MRPS10: variants seen among roughly 807,000 people sequenced by gnomAD.
MRPS10 encodes mitochondrial ribosomal protein S10.
MRPS10 carries 23 observed loss-of-function variants against 27.5 expected under a neutral mutation model. The observed-to-expected ratio is 0.84, with a 90% CI of 0.60 to 1.18. The LOEUF (loss-of-function observed/expected upper bound fraction) is 1.18, where lower values mean the gene tolerates loss of function less well. Ranked by LOEUF, MRPS10 falls within the 50% of genes most tolerant of loss-of-function variation. The pLI is 0.00. For synonymous variants in MRPS10, 88 were observed against 84.2 expected (o/e 1.04, Z -0.25); for missense variants, 237 against 240.1 (o/e 0.99, Z 0.09).
At position 42,208,371 on chromosome 6, in the gene MRPS10, G is replaced by A. The variant is rs756763607; in HGVS notation, c.524C>T (p.Thr175Ile). Residue 175 changes from threonine (T) to isoleucine (I), a missense_variant and splice_region_variant, in exon 7 of 7, where the codon ACA (threonine) becomes ATA (isoleucine). Around this residue, in one of 3 missense-constraint regions of MRPS10, gnomAD observed 62 missense variants for 68.2 expected, o/e 0.91. Coordinates refer to ENST00000053468, the MANE Select transcript of MRPS10 (RefSeq NM_018141.4). Reference sequence around the variant, plus strand: ...GTGTTCTGGTAACTGTTCTAATTGTGTCTAAAAAAAGAAAGAAACAAAACT... The same window carrying A: ...GTGTTCTGGTAACTGTTCTAATTGTATCTAAAAAAAGAAAGAAACAAAACT... ...PEGVAMEVTK[T>I]QLEQLPEHIK... 1 of 1,590,040 alleles carries A rather than the reference G, an allele frequency of 6.3e-7. No individual in the cohort carries two copies. Among genetic ancestry groups the A allele is most frequent in the African/African-American group, 1.4e-5 (1 of 73,824 alleles).
chr6:42,208,812 C>T (rs367860459), intron 6 of MRPS10, 46 bp downstream of exon 6: 68 of 1,278,534 alleles, frequency 5.3e-5, no homozygotes, highest in Middle Eastern at 1.9e-4. Context: ...AATACAGATA[C>T]CACTCCCCAC....
At chr6:42,208,729 C>T in intron 6 of MRPS10, 129 bp downstream of exon 6, 1 of 652,664 alleles carries the variant, frequency 1.5e-6, no homozygotes, top group Non-Finnish European at 2.6e-6. Context: ...GCAACTGTGT[C>T]TCCCAGTTTG....
chr6:42,216,026 C>CTTT lies in MRPS10; in HGVS notation c.49-1685_49-1683dup, dbSNP rs34985131. Among the ~76,000 whole-genome samples, 54 of 56,978 alleles carry CTTT rather than the reference C, an allele frequency of 9.5e-4. 1 individual carries two copies. The highest frequency in any genetic ancestry group is 6.4e-3 in the South Asian group (5 of 786). 37.4% of individuals were successfully genotyped at this position (56,978 alleles called of 152,430 possible). A position where few individuals can be genotyped will look rare whatever the true frequency, so the allele number is the denominator to read the frequency against. On this transcript the variant is annotated intron_variant, in intron 1 of 6. Coordinates refer to ENST00000053468, the MANE Select transcript of MRPS10 (RefSeq NM_018141.4). ...TTTTCTTTTCTTTTTTTTTTCTTTTCTTTTTTTTTTTTTTTTTGAGAGAGT... is the reference window on the plus strand; with the variant it reads ...TTTTCTTTTCTTTTTTTTTTCTTTTCTTTTTTTTTTTTTTTTTTTTGAGAGAGT...
chr6:42,208,999 G>GTTTT lies in MRPS10; in HGVS notation c.433-56_433-53dup, dbSNP rs375700314. 3.5e-4 allele frequency: 373 copies of GTTTT among 1,060,698 alleles called. 2 individuals are homozygous for GTTTT. Among genetic ancestry groups the GTTTT allele is most frequent in the African/African-American group, 8.6e-4 (42 of 48,970 alleles). The allele number at this position is 1,060,698 out of a possible 1,614,324, so 65.7% of individuals were successfully genotyped here. Reference sequence around the variant, plus strand: ...CATGTAAGCTGTTTGTTAAAGCACGGTTTTTTGTTTTTTTTTTTGAGATGG... The same window carrying GTTTT: ...CATGTAAGCTGTTTGTTAAAGCACGGTTTTTTTTTTGTTTTTTTTTTTGAGATGG... On this transcript the variant is annotated intron_variant, in intron 5 of 6. Coordinates refer to ENST00000053468, the MANE Select transcript of MRPS10 (RefSeq NM_018141.4).
At chr6:42,209,409 G>A (rs965217710) in intron 5 of MRPS10, among the ~76,000 whole-genome samples, 6 of 152,128 alleles carry the variant, frequency 3.9e-5, no homozygotes, top group African/African-American at 7.2e-5. Context: ...TATGAGAGAC[G>A]TTTCCCTCAG....
chr6:42,215,346 C>T (rs1582353957), intron 1 of MRPS10, among the ~76,000 whole-genome samples: 1 of 8,172 alleles, frequency 1.2e-4, no homozygotes. Context: ...GGTGACAGAG[C>T]GAGACTCCCT....
At chr6:42,208,791 A>C in intron 6 of MRPS10, 67 bp downstream of exon 6, 1 of 1,119,000 alleles carries the variant, frequency 8.9e-7, no homozygotes, top group Non-Finnish European at 1.3e-6. Context: ...GCTGCAATGT[A>C]TCAAAACAAC....
At chr6:42,217,534 T>C (rs977200978) in intron 1 of MRPS10, among the ~76,000 whole-genome samples, 1 of 152,218 alleles carries the variant, frequency 6.6e-6, no homozygotes, top group East Asian at 1.9e-4. Context: ...AGGAGGGGTT[T>C]TGGAACATAC....
At chr6:42,211,759 G>C in intron 4 of MRPS10, 22 bp downstream of exon 4, 1 of 1,608,038 alleles carries the variant, frequency 6.2e-7, no homozygotes, top group Non-Finnish European at 8.5e-7. Flanking sequence ...GAACAGGTCG[G>C]GTCAGGAAAG....
At chr6:42,216,385 A>AGAGAGT in intron 1 of MRPS10, among the ~76,000 whole-genome samples, 7 of 58,702 alleles carry the variant, frequency 1.2e-4, no homozygotes, top group African/African-American at 3.1e-4. Context: ...AGAGAGAGAG[A>AGAGAGT]GTGTGTGTGT....
At position 42,207,814 on chromosome 6, in the gene MRPS10, T is replaced by TA. The variant is rs1178813432; in HGVS notation, c.*474dup. 1 of 167,772 alleles carries TA rather than the reference T, an allele frequency of 6.0e-6. No homozygotes were observed. Among genetic ancestry groups the TA allele is most frequent in the Non-Finnish European group, 1.3e-5 (1 of 79,588 alleles). 10.4% of individuals were successfully genotyped at this position (167,772 alleles called of 1,614,324 possible). On this transcript the variant is annotated 3_prime_UTR_variant, in exon 7 of 7. Coordinates refer to ENST00000053468, the MANE Select transcript of MRPS10 (RefSeq NM_018141.4). The stretch of plus-strand genomic sequence containing the variant: ...CTTACATGAGATAAAATCGGTTGGT[T>TA]ACCACCCCCAAATTAGCATATGCCA...
chr6:42,209,011 T>C (rs55788550), intron 5 of MRPS10, 64 bp from the exon 6 acceptor site: 734,382 of 1,134,452 alleles, frequency 0.65, 251,220 homozygotes, highest in East Asian at 0.85. Flanking sequence ...TTTTTGTTTT[T>C]TTTTTTGAGA....
Position 42,216,646 on chromosome 6 carries a change from G to A in MRPS10, c.48+1156C>T, listed in dbSNP as rs540807384. Among the ~76,000 whole-genome samples the A allele has an allele frequency of 1.2e-3, 177 of 151,474 alleles. 1 individual carries two copies. The highest frequency in any genetic ancestry group is 4.0e-3 in the African/African-American group (167 of 41,368). ...ACCGACATGGTGAAACCCCGTCTCT[G>A]CTAAACATACAAATACTAGCTGGGC... On this transcript the variant is annotated intron_variant, in intron 1 of 6. Transcript: ENST00000053468.
intron 1 of MRPS10, among the ~76,000 whole-genome samples, chr6:42,216,010 CTTTTTTTTTTCTTTTCT>C (rs567556232): frequency 6.4e-4 from 82 of 128,998 alleles, no homozygotes; most frequent in Middle Eastern, 4.1e-3. Flanking sequence ...TTTTTCTTTT[CTTTTTTTTTTCTTTTCT>C]TTTTTTTTTT....
In MRPS10 at chr6:42,213,986, G is replaced by A. The variant is rs542000299; in HGVS notation, c.186+134C>T. On this transcript the variant is annotated intron_variant, in intron 3 of 6. Transcript: ENST00000053468. ...TCCAGGGAGTTAAGAGAATATATGC[G>A]TTGTGCATTTGCCAGTATTCTAGGA... is the stretch of plus-strand genomic sequence containing the variant. The A allele has an allele frequency of 3.5e-4, 214 of 602,870 alleles. 1 individual carries two copies. The highest frequency in any genetic ancestry group is 2.6e-3 in the African/African-American group (138 of 53,632). 37.3% of individuals were successfully genotyped at this position (602,870 alleles called of 1,614,324 possible).
chr6:42,212,087 C>G (rs1184982124), intron 3 of MRPS10, among the ~76,000 whole-genome samples, 170 bp from the exon 4 acceptor site: 1 of 152,180 alleles, frequency 6.6e-6, no homozygotes, highest in Non-Finnish European at 1.5e-5. Flanking sequence ...ATGTTCAGAT[C>G]TGGACTATGA....
At chr6:42,216,281 C>G (rs1413819035) in intron 1 of MRPS10, among the ~76,000 whole-genome samples, 1 of 150,972 alleles carries the variant, frequency 6.6e-6, no homozygotes, top group East Asian at 2.0e-4. Context: ...CTCGGCCTCC[C>G]AAAGTGTAGG....
In MRPS10 at chr6:42,217,853, G is replaced by A. The variant is rs1562076217; in HGVS notation, c.-4C>T. Reference sequence around the variant, plus strand: ...CGAACGCTGTCCGCGCCGCCATCTTGCCGGTCCCGACCTCTCAGGATTGCT... The same window carrying A: ...CGAACGCTGTCCGCGCCGCCATCTTACCGGTCCCGACCTCTCAGGATTGCT... On this transcript the variant is annotated 5_prime_UTR_variant, in exon 1 of 7. Coordinates refer to ENST00000053468, the MANE Select transcript of MRPS10 (RefSeq NM_018141.4). 6.2e-7 allele frequency: 1 copy of A among 1,613,776 alleles called. No individual in the cohort carries two copies. The highest frequency in any genetic ancestry group is 8.5e-7 in the Non-Finnish European group (1 of 1,179,956).
rs762380857 is a variant in MRPS10 at position 42,208,287 on chromosome 6, C to T, written c.*2G>A. On this transcript the variant is annotated 3_prime_UTR_variant, in exon 7 of 7. Transcript: ENST00000053468. Reference sequence around the variant, plus strand: ...TTAGGCAAAAATGGCCTCCCTGAGGCTTTATGACTTGCTTTCTTCTTTTTC... The same window carrying T: ...TTAGGCAAAAATGGCCTCCCTGAGGTTTTATGACTTGCTTTCTTCTTTTTC... 7.5e-6 allele frequency: 12 copies of T among 1,610,154 alleles called. No individual in the cohort carries two copies. Among genetic ancestry groups the T allele is most frequent in the Admixed American group, 1.7e-5 (1 of 59,862 alleles).
Sources: gnomAD v4.1 joint callset for allele counts (sites outside exome capture counted in the v4.1 genomes callset) on GRCh38, gnomAD v4.1.1 for gene constraint, gnomAD v4.1.1 regional missense constraint, MANE v1.5 for transcripts, NCBI Gene and HGNC (gene_info 2026-07-23, HGNC 2026-07-21) for gene names.